IRAK1BP1: variants seen among roughly 807,000 people sequenced by gnomAD.
The protein encoded by IRAK1BP1 is interleukin-1 receptor-associated kinase 1-binding protein 1.
Under a neutral mutation model 28.0 loss-of-function variants are expected in IRAK1BP1, and 24 were observed. The observed-to-expected ratio is 0.86, with a 90% confidence interval of 0.62 to 1.20. The LOEUF (loss-of-function observed/expected upper bound fraction) is 1.20, where lower values mean the gene tolerates loss of function less well. Ranked by LOEUF, IRAK1BP1 falls within the 50% of genes most tolerant of loss-of-function variation. IRAK1BP1 has a pLI of 0.00. For synonymous variants in IRAK1BP1, 131 were observed against 116.3 expected, an observed-to-expected ratio of 1.13 and a Z score of -0.81; for missense variants, 336 against 316.7, an observed-to-expected ratio of 1.06 and a Z score of -0.46.
the IRAK1BP1 span, chr6:78,956,729 T>C: frequency 6.6e-6 from 1 of 151,946 alleles, no homozygotes; most frequent in Non-Finnish European, 1.5e-5. Flanking sequence ...AATCTATCAG[T>C]ATCTACACCT....
chr6:78,946,091 C>T, exon 5 of IRAK1BP1: 1 of 1,613,680 alleles, frequency 6.2e-7, no homozygotes, highest in Non-Finnish European at 8.5e-7. Context: ...ACAACTGGAT[C>T]TACAACCACT....
the IRAK1BP1 span, chr6:78,961,543 GAATAA>G: frequency 2.9e-6 from 2 of 701,092 alleles, no homozygotes; most frequent in Non-Finnish European, 4.6e-6. Context: ...CAAATCTACT[GAATAA>G]GATTCTACAT....
chr6:78,920,176 C>T (rs1334988813), intron 4 of IRAK1BP1, among the ~76,000 whole-genome samples: 1 of 152,156 alleles, frequency 6.6e-6, no homozygotes, highest in African/African-American at 2.4e-5. Flanking sequence ...ATGGCTTGAA[C>T]CTGGGAGGCA....
intron 4 of IRAK1BP1, among the ~76,000 whole-genome samples, chr6:78,909,310 T>TATTAA (rs1201865332): frequency 1.3e-5 from 2 of 152,234 alleles, no homozygotes; most frequent in African/African-American, 4.8e-5. Context: ...ATTTTCAATT[T>TATTAA]ACATTGAGTT....
At chr6:78,891,463 AT>A (rs201905833) in intron 2 of IRAK1BP1, among the ~76,000 whole-genome samples, 211 of 145,500 alleles carry the variant, frequency 1.5e-3, no homozygotes, top group South Asian at 2.0e-3. Flanking sequence ...GTTTAGAGGA[AT>A]TTTTTTTTTT....
chr6:78,870,629 A>C (rs563930674), intron 1 of IRAK1BP1, among the ~76,000 whole-genome samples: 11 of 152,334 alleles, frequency 7.2e-5, no homozygotes, highest in Non-Finnish European at 1.3e-4. Flanking sequence ...TTCATTGAAA[A>C]GTGTTTTAAA....
intron 2 of IRAK1BP1, among the ~76,000 whole-genome samples, chr6:78,892,668 A>G (rs979872278): frequency 9.2e-5 from 14 of 152,182 alleles, no homozygotes; most frequent in African/African-American, 2.7e-4. Context: ...TAGTCATTAA[A>G]AGTTATTTTG....
intron 4 of IRAK1BP1, among the ~76,000 whole-genome samples, chr6:78,915,610 T>C (rs1772539856): frequency 6.6e-6 from 1 of 152,180 alleles, no homozygotes; most frequent in Admixed American, 6.5e-5. Flanking sequence ...TGATCAAATT[T>C]GGCCCAAGGA....
chr6:78,886,568 C>T (rs1284285886), intron 2 of IRAK1BP1, among the ~76,000 whole-genome samples: 2 of 152,120 alleles, frequency 1.3e-5, no homozygotes, highest in South Asian at 2.1e-4. Context: ...TTATAGCACT[C>T]CTCCAGTAAT....
chr6:78,947,876 T>C (rs1773913714), downstream of IRAK1BP1: 1 of 726,356 alleles, frequency 1.4e-6, no homozygotes, highest in Non-Finnish European at 2.3e-6. Flanking sequence ...CTGCAAGTCC[T>C]AGAACTCTTA....
chr6:78,894,357 C>T (rs974127676), intron 2 of IRAK1BP1, among the ~76,000 whole-genome samples: 1 of 151,990 alleles, frequency 6.6e-6, no homozygotes, highest in African/African-American at 2.4e-5. Context: ...AATATGAAGA[C>T]ATATGTTGGT....
intron 2 of IRAK1BP1, among the ~76,000 whole-genome samples, chr6:78,892,943 A>T (rs573768047): frequency 5.3e-5 from 8 of 152,254 alleles, no homozygotes; most frequent in African/African-American, 1.9e-4. Context: ...CCTATTATAC[A>T]TATAATTGAG....
intron 4 of IRAK1BP1, chr6:78,937,358 ATGC>A (rs974238508): frequency 7.9e-5 from 12 of 151,744 alleles, no homozygotes; most frequent in Non-Finnish European, 1.5e-4. Context: ...AAACATGTAA[ATGC>A]TGCTAACATA....
At chr6:78,912,851 CTTGAT>C (rs1278545054) in intron 4 of IRAK1BP1, among the ~76,000 whole-genome samples, 1 of 152,126 alleles carries the variant, frequency 6.6e-6, no homozygotes, top group Non-Finnish European at 1.5e-5. Context: ...CACCCAGGCT[CTTGAT>C]TTGTTAAAGA....
intron 4 of IRAK1BP1, chr6:78,935,566 T>C: frequency 5.2e-6 from 5 of 969,166 alleles, no homozygotes; most frequent in Non-Finnish European, 6.1e-6. Flanking sequence ...CACAGTAACT[T>C]ACGGTAAGAA....
At chr6:78,889,413 A>G (rs1174255359) in intron 2 of IRAK1BP1, among the ~76,000 whole-genome samples, 3 of 152,132 alleles carry the variant, frequency 2.0e-5, no homozygotes, top group Non-Finnish European at 4.4e-5. Flanking sequence ...ACAAAAGCCA[A>G]AATTGACATA....
At chr6:78,974,647 A>G in the IRAK1BP1 span, among the ~76,000 whole-genome samples, 3 of 152,138 alleles carry the variant, frequency 2.0e-5, no homozygotes, top group Admixed American at 2.0e-4. Context: ...ATAAAAGAAA[A>G]AAAGAAGAAT....
In IRAK1BP1 at chr6:78,935,449, CTTT is replaced by C. The variant is rs538404381; in HGVS notation, c.*68-9955_*68-9953del. 2.3e-4 allele frequency: 219 copies of C among 950,318 alleles called. 1 individual carries two copies. In the South Asian group the frequency reaches 6.4e-3, roughly 28 times the overall value. 58.9% of individuals were successfully genotyped at this position (950,318 alleles called of 1,614,324 possible). On this transcript the variant is annotated intron_variant and NMD_transcript_variant, in intron 4 of 4. Coordinates refer to the IRAK1BP1 transcript ENST00000606868. ...TGCAATAACCTTCTTTCCATCATTC[CTTT>C]TTTCCCAGAAATTGCACATTTTTGA...
chr6:78,918,384 C>A (rs1772618174), intron 4 of IRAK1BP1, among the ~76,000 whole-genome samples: 1 of 151,916 alleles, frequency 6.6e-6, no homozygotes, highest in Non-Finnish European at 1.5e-5. Context: ...AAATGCCCCA[C>A]TTAAGAGGCA....
Sources: gnomAD v4.1 joint callset for allele counts (sites outside exome capture counted in the v4.1 genomes callset) on GRCh38, gnomAD v4.1.1 for gene constraint, MANE v1.5 for transcripts, NCBI Gene and HGNC (gene_info 2026-07-23, HGNC 2026-07-21) for gene names.